The following HMCN2 variants were observed in gnomAD, a reference collection of about 807,000 sequenced individuals.
HMCN2 encodes the protein hemicentin 2.
A neutral mutation model predicts 377.5 loss-of-function variants in HMCN2; 325 were observed. That is an observed-to-expected ratio of 0.86 (90% CI 0.79 to 0.94). The LOEUF (loss-of-function observed/expected upper bound fraction) is 0.94. HMCN2 is among the 40% of genes least tolerant of loss of function. The pLI is 0.00. For synonymous variants in HMCN2, 2,007 were observed against 2,046.8 expected (o/e 0.98, Z 0.53); for missense variants, 4,543 against 4,725.3 (o/e 0.96, Z 1.13).
chr9:130,300,769 T>C (rs1402070544), intron 8 of HMCN2, among the ~76,000 whole-genome samples: 1 of 152,238 alleles, frequency 6.6e-6, no homozygotes, highest in Non-Finnish European at 1.5e-5. Context: ...GGCTTTTTGC[T>C]GGTTTCCTGT....
rs758482430 is a variant in HMCN2 at position 130,430,532 on chromosome 9, C to G, written c.14575C>G (p.Pro4859Ala). 46 of 1,550,484 alleles carry G rather than the reference C, an allele frequency of 3.0e-5. No homozygotes were observed. Among genetic ancestry groups the G allele is most frequent in the Non-Finnish European group, 3.8e-5 (44 of 1,146,980 alleles). ...CGCCTGGGTCTCTCTCCGTCCGGGT[C>G]CCATGGCCCTGAGCAGTGTGGGCCG... ...YHAWVSLRPG[P>A]MALSSVGRAW... The change falls in exon 95 of 98, where the codon CCC becomes GCC. Residue 4859 changes from proline to alanine, a missense_variant. Coordinates refer to ENST00000683500, the MANE Select transcript of HMCN2 (RefSeq NM_001291815.2).
chr9:130,272,329 C>G (rs1488869236), intron 1 of HMCN2, among the ~76,000 whole-genome samples: 2 of 148,874 alleles, frequency 1.3e-5, no homozygotes, highest in African/African-American at 4.9e-5. Context: ...CAACCTCCAC[C>G]TCCTGGGTTT....
Position 130,425,798 on chromosome 9 carries a change from C to T in HMCN2, c.13753C>T (p.Gln4585Ter), listed in dbSNP as rs751348069. Residue 4585 changes from glutamine to a stop codon, truncating the protein, a stop_gained, in exon 90 of 98, where the codon CAG (glutamine) becomes TAG (stop). Transcript: ENST00000683500. LOFTEE classifies it high-confidence loss of function. ...PSFLRCNHSI[Q>*]YNAARGPQPQ... ...GTTCCTACGCTGCAACCACAGCATC[C>T]AGTACAACGCGGCCCGGGGCCCCCA... 189 of 1,550,478 alleles carry T rather than the reference C, an allele frequency of 1.2e-4. No homozygotes were observed. Among genetic ancestry groups the T allele is most frequent in the Admixed American group, 2.0e-4 (10 of 50,976 alleles).
At position 130,369,679 on chromosome 9, in the gene HMCN2, G is replaced by A; in HGVS notation, c.6897G>A (p.Val2299=). 2.0e-6 allele frequency: 2 copies of A among 985,996 alleles called. No individual in the cohort carries two copies. Among genetic ancestry groups the A allele is most frequent in the South Asian group, 9.4e-5 (2 of 21,292 alleles). 61.1% of individuals were successfully genotyped at this position (985,996 alleles called of 1,614,324 possible). ...CCACAGGGAAACCCCCTCCGACAGT[G>A]ACATGGGAGCGGGACGGCCAGCCCG... ...CNATGKPPPT[V]TWERDGQPVG... Residue 2299 remains valine (V), a synonymous_variant, in exon 45 of 98, where the codon GTG becomes GTA. Coordinates refer to ENST00000683500, the MANE Select transcript of HMCN2 (RefSeq NM_001291815.2). The surrounding 1 kb of genome is among the most constrained non-coding windows in gnomAD (Gnocchi z 4.5).
intron 94 of HMCN2, 66 bp from the exon 95 acceptor site, chr9:130,430,218 C>T: frequency 7.7e-7 from 1 of 1,302,200 alleles, no homozygotes; most frequent in Non-Finnish European, 1.0e-6. Context: ...CAGGGCCAGG[C>T]AATGGCTGCA....
At position 130,399,522 on chromosome 9, in the gene HMCN2, C is replaced by T; in HGVS notation, c.11495C>T (p.Ser3832Phe). 7.8e-7 allele frequency: 1 copy of T among 1,288,012 alleles called. No individual in the cohort carries two copies. Among genetic ancestry groups the T allele is most frequent in the Non-Finnish European group, 1.0e-6 (1 of 987,538 alleles). 79.8% of individuals were successfully genotyped at this position (1,288,012 alleles called of 1,614,324 possible). A position where few individuals can be genotyped will look rare whatever the true frequency, so the allele number is the denominator to read the frequency against. ...LQQGAYRLLP[S>F]NALLLTAPGP... is the part of the protein sequence containing the mutation. ...TCTGTCCACCCCAGGCTCCTGCCCT[C>T]CAACGCCCTGCTCCTCACGGCCCCC... The change falls in exon 76 of 98, where the codon TCC becomes TTC. Residue 3832 changes from serine to phenylalanine, a missense_variant. Ser to Phe is a radical substitution (Grantham distance 155). Transcript: ENST00000683500.
intron 26 of HMCN2, 176 bp from the exon 27 acceptor site, chr9:130,348,369 C>T: frequency 2.2e-6 from 2 of 896,534 alleles, no homozygotes; most frequent in Non-Finnish European, 2.7e-6. Context: ...GGTCCCAGGG[C>T]AAGGCTGCTG....
intron 4 of HMCN2, among the ~76,000 whole-genome samples, chr9:130,292,379 T>G (rs1554930362): frequency 6.6e-6 from 1 of 152,194 alleles, no homozygotes; most frequent in Non-Finnish European, 1.5e-5. Flanking sequence ...TCATTAGGGG[T>G]TGCAAAATGA....
Position 130,407,650 on chromosome 9 carries a change from C to T in HMCN2, c.12633C>T (p.Cys4211=). ...VSREDSGTYV[C]WAENRVGRTQ... Reference sequence around the variant, plus strand: ...GAGAAGACAGCGGGACCTATGTCTGCTGGGCGGAGAACAGAGTGGGCCGCA... The same window carrying T: ...GAGAAGACAGCGGGACCTATGTCTGTTGGGCGGAGAACAGAGTGGGCCGCA... Residue 4211 remains cysteine (C), a synonymous_variant, in exon 83 of 98, where the codon TGC becomes TGT. Transcript: ENST00000683500. The T allele has an allele frequency of 7.8e-7, 1 of 1,284,064 alleles. No individual in the cohort carries two copies. The allele number at this position is 1,284,064 out of a possible 1,614,324, so 79.5% of individuals were successfully genotyped here.
chr9:130,428,935 AT>A lies in HMCN2; in HGVS notation c.14197+447del, dbSNP rs2131829541. Among the ~76,000 whole-genome samples, 1 of 152,314 alleles carries A rather than the reference AT, an allele frequency of 6.6e-6. No individual in the cohort carries two copies. Among genetic ancestry groups the A allele is most frequent in the East Asian group, 1.9e-4 (1 of 5,188 alleles). On this transcript the variant is annotated intron_variant, in intron 93 of 97. Transcript: ENST00000683500. The surrounding 1 kb of genome is among the most constrained non-coding windows in gnomAD (Gnocchi z 5.0). Reference sequence around the variant, plus strand: ...GATAAAACTTAGGTGCCACCCCTGGATGGGTGACCTCAATGGTCCTTCCTGC... The same window carrying A: ...GATAAAACTTAGGTGCCACCCCTGGAGGGTGACCTCAATGGTCCTTCCTGC...
chr9:130,386,368 T>A, intron 60 of HMCN2, 75 bp from the exon 61 acceptor site: 1 of 955,498 alleles, frequency 1.0e-6, no homozygotes, highest in Non-Finnish European at 1.4e-6. Flanking sequence ...TTTGGGGGCC[T>A]AGATGCTTTT....
Position 130,382,685 on chromosome 9 carries a change from C to T in HMCN2, c.8552C>T (p.Pro2851Leu), listed in dbSNP as rs944391912. Residue 2851 changes from proline to leucine, a missense_variant, in exon 56 of 98, where the codon CCT (proline) becomes CTT (leucine). This residue lies in a region of HMCN2 where 736 missense variants were observed against 773.2 expected (regional missense o/e 0.95). Coordinates refer to ENST00000683500, the MANE Select transcript of HMCN2 (RefSeq NM_001291815.2). ...LHYELLVLTP[P>L]VILGDTEELV... ...CCCTCTCCCCCACCCCCAGCCCCAC[C>T]TGTGATCCTGGGTGACACAGAGGAG... The T allele has an allele frequency of 1.0e-5, 10 of 985,310 alleles. No homozygotes were observed. In the South Asian group the frequency reaches 4.7e-4, roughly 46 times the overall value. The allele number at this position is 985,310 out of a possible 1,614,324, so 61.0% of individuals were successfully genotyped here.
chr9:130,328,046 G>A (rs1157354740), intron 22 of HMCN2, among the ~76,000 whole-genome samples: 1 of 152,208 alleles, frequency 6.6e-6, no homozygotes, highest in Non-Finnish European at 1.5e-5. Flanking sequence ...CTGGCTGGGG[G>A]GTTCTGTGGC....
In HMCN2 at chr9:130,363,314, G is replaced by C. The variant is rs534851972; in HGVS notation, c.6232+324G>C. ...GCCGGCTCTTGAGTGTCACCGACAT[G>C]GGGTTCAAACCCTGCCTCTGTGACT... is the stretch of plus-strand genomic sequence containing the variant. On this transcript the variant is annotated intron_variant, in intron 40 of 97. Transcript: ENST00000683500. Among the ~76,000 whole-genome samples, 6 of 152,290 alleles carry C rather than the reference G, an allele frequency of 3.9e-5. No individual in the cohort carries two copies. The South Asian group carries it at 1.2e-3, about 32-fold the overall frequency.
At chr9:130,386,798 C>T (rs1468871643) in intron 61 of HMCN2, among the ~76,000 whole-genome samples, 1 of 152,234 alleles carries the variant, frequency 6.6e-6, no homozygotes, top group Admixed American at 6.5e-5. Flanking sequence ...GCGTGAGCCA[C>T]TGCACCCAGC....
chr9:130,398,789 G>T, intron 75 of HMCN2, 82 bp downstream of exon 75: 1 of 1,131,406 alleles, frequency 8.8e-7, no homozygotes, highest in Non-Finnish European at 1.2e-6. Flanking sequence ...ATGGGGCAGG[G>T]ACGGGGCGGG....
In HMCN2 at chr9:130,360,260, C is replaced by A. The variant is rs1242398488; in HGVS notation, c.5774-168C>A. ...AGTTTCTCTTGGGTGCCCACCACAC[C>A]AGCAGAGTCTGACGGGCTGGCAGCA... On this transcript the variant is annotated intron_variant, in intron 37 of 97. Coordinates refer to ENST00000683500, the MANE Select transcript of HMCN2 (RefSeq NM_001291815.2). This position sits in a 1 kb window ranked among gnomAD's most constrained non-coding sequence, Gnocchi z 4.7. 6.6e-6 allele frequency among the ~76,000 whole-genome samples: 1 copy of A among 152,144 alleles called. No homozygotes were observed. The highest frequency in any genetic ancestry group is 1.5e-5 in the Non-Finnish European group (1 of 68,028).
rs542565982 is a variant in HMCN2, at chr9:130,266,219, G to A, written c.259+82G>A. The A allele has an allele frequency of 1.7e-4, 66 of 386,046 alleles. 1 individual carries two copies. In the Middle Eastern group the frequency reaches 2.5e-3, roughly 14 times the overall value. The allele number at this position is 386,046 out of a possible 1,614,324, so 23.9% of individuals were successfully genotyped here. A position where few individuals can be genotyped will look rare whatever the true frequency, so the allele number is the denominator to read the frequency against. On this transcript the variant is annotated intron_variant, in intron 1 of 97. Transcript: ENST00000683500. ...CTGACCCCCTCAGTTGGCCCCGAAC[G>A]CACCTGGACGTCGTGGGCTGCGCCG...
chr9:130,384,548 G>A lies in HMCN2; in HGVS notation c.8992+14G>A, dbSNP rs1216149637. 7.7e-7 allele frequency: 1 copy of A among 1,304,238 alleles called. No individual in the cohort carries two copies. Among genetic ancestry groups the A allele is most frequent in the Non-Finnish European group, 1.0e-6 (1 of 988,952 alleles). The allele number at this position is 1,304,238 out of a possible 1,614,324, so 80.8% of individuals were successfully genotyped here. A position where few individuals can be genotyped will look rare whatever the true frequency, so the allele number is the denominator to read the frequency against. On this transcript the variant is annotated intron_variant, in intron 58 of 97. Coordinates refer to ENST00000683500, the MANE Select transcript of HMCN2 (RefSeq NM_001291815.2). ...TCCTCCTGCCTGGTGGGTAAACTGAGGTGTCCGGCCCAGCTCTAAGGTTAC... is the reference window on the plus strand; with the variant it reads ...TCCTCCTGCCTGGTGGGTAAACTGAAGTGTCCGGCCCAGCTCTAAGGTTAC...
Sources: gnomAD v4.1 joint callset for allele counts (sites outside exome capture counted in the v4.1 genomes callset) on GRCh38, gnomAD v4.1.1 for gene constraint, gnomAD v4.1.1 regional missense constraint, Gnocchi (gnomAD v3.1) non-coding constraint, MANE v1.5 for transcripts, NCBI Gene and HGNC (gene_info 2026-07-23, HGNC 2026-07-21) for gene names.